The following ROBO2 variants were observed in gnomAD, a reference collection of about 807,000 sequenced individuals.
ROBO2 encodes roundabout homolog 2.
In ROBO2, 53 loss-of-function variants were observed where a neutral mutation model predicts 160.8. The ratio of observed to expected loss-of-function variants is 0.33; its 90% confidence interval spans 0.26 to 0.41. The LOEUF (loss-of-function observed/expected upper bound fraction) is 0.41, where lower values mean the gene tolerates loss of function less well. Among genes scored for constraint, ROBO2 ranks in the 10% least tolerant of loss-of-function variants. ROBO2 has a pLI of 1.00. For synonymous variants in ROBO2, 664 were observed against 611.7 expected, an observed-to-expected ratio of 1.09 and a Z score of -1.26; for missense variants, 1,577 against 1,722.4, an observed-to-expected ratio of 0.92 and a Z score of 1.49.
At chr3:76,821,377 A>G (rs1313130499) in intron 2 of ROBO2, among the ~76,000 whole-genome samples, 2 of 152,022 alleles carry the variant, frequency 1.3e-5, no homozygotes, top group Non-Finnish European at 2.9e-5. Flanking sequence ...TAGCATTTCA[A>G]AGAGGTCAAA....
chr3:76,700,067 G>A lies in ROBO2; in HGVS notation c.110-397947G>A, dbSNP rs191894654. Among the ~76,000 whole-genome samples the A allele has an allele frequency of 3.9e-5, 6 of 152,172 alleles. No homozygotes were observed. In the East Asian group the frequency reaches 7.7e-4, roughly 20 times the overall value. On this transcript the variant is annotated intron_variant, in intron 2 of 26. Coordinates refer to the ROBO2 transcript ENST00000487694. ...CCCCCTAGTTCTCAGGGTGGGTGCT[G>A]TACCAAGGCTTTCAACAACAAAAAA...
intron 2 of ROBO2, among the ~76,000 whole-genome samples, chr3:76,698,216 G>A (rs1221644797): frequency 6.6e-6 from 1 of 152,198 alleles, no homozygotes; most frequent in African/African-American, 2.4e-5. Context: ...GAGAATGGAG[G>A]CAGGAAAGCC....
rs1222348507 is a variant in ROBO2, at chr3:75,911,746, C to G, written c.-14+4786C>G. Among the ~76,000 whole-genome samples the G allele has an allele frequency of 1.3e-5, 2 of 151,320 alleles. 1 individual carries two copies. Among genetic ancestry groups the G allele is most frequent in the Admixed American group, 1.3e-4 (2 of 15,188 alleles). ...CTAATTTTTGTATTTTTAGTAGAGACGGGGTTTCACCGTGTTAGCCAGGAT... is the reference window on the plus strand; with the variant it reads ...CTAATTTTTGTATTTTTAGTAGAGAGGGGGTTTCACCGTGTTAGCCAGGAT... On this transcript the variant is annotated intron_variant, in intron 1 of 26. Transcript: ENST00000487694.
chr3:76,104,547 C>G lies in ROBO2; in HGVS notation c.109+166945C>G, dbSNP rs568435034. On this transcript the variant is annotated intron_variant, in intron 2 of 26. Coordinates refer to the ROBO2 transcript ENST00000487694. ...TGGATTAATTGTCAATAATGTCATT[C>G]ATAGCCATAAAATGATGGAATTTCT... 5.3e-5 allele frequency among the ~76,000 whole-genome samples: 8 copies of G among 152,228 alleles called. No homozygotes were observed. In the East Asian group the frequency reaches 1.5e-3, roughly 29 times the overall value.
chr3:77,001,562 G>A (rs981596278), intron 2 of ROBO2, among the ~76,000 whole-genome samples: 2 of 152,042 alleles, frequency 1.3e-5, no homozygotes, highest in African/African-American at 4.8e-5. Context: ...GGATTTTGAA[G>A]GGGGATTTCT....
intron 2 of ROBO2, among the ~76,000 whole-genome samples, chr3:77,262,350 C>T (rs893656452): frequency 5.9e-5 from 9 of 152,042 alleles, no homozygotes; most frequent in African/African-American, 2.2e-4. Flanking sequence ...TTACTAGAGA[C>T]TTACAAGGAA....
At chr3:76,210,807 A>C (rs1321189298) in intron 2 of ROBO2, among the ~76,000 whole-genome samples, 2 of 152,132 alleles carry the variant, frequency 1.3e-5, no homozygotes, top group Non-Finnish European at 2.9e-5. Flanking sequence ...TCTAGGTAAG[A>C]TGCAGGATTC....
intron 2 of ROBO2, among the ~76,000 whole-genome samples, chr3:76,453,804 T>C (rs2077604135): frequency 6.6e-6 from 1 of 152,312 alleles, no homozygotes; most frequent in East Asian, 1.9e-4. Context: ...TTGTGATATA[T>C]GATTTAGTAG....
At chr3:77,424,851 C>A (rs905745872) in intron 2 of ROBO2, among the ~76,000 whole-genome samples, 4 of 152,076 alleles carry the variant, frequency 2.6e-5, no homozygotes, top group African/African-American at 9.7e-5. Flanking sequence ...GTTTTCAGCT[C>A]CTTCCATGAA....
intron 2 of ROBO2, among the ~76,000 whole-genome samples, chr3:76,942,526 T>G (rs930757508): frequency 6.6e-6 from 1 of 152,206 alleles, no homozygotes; most frequent in Non-Finnish European, 1.5e-5. Flanking sequence ...CTTATCAACA[T>G]GCTGATGACA....
intron 2 of ROBO2, among the ~76,000 whole-genome samples, chr3:77,367,494 A>G (rs1289079454): frequency 6.6e-6 from 1 of 151,878 alleles, no homozygotes; most frequent in African/African-American, 2.4e-5. Flanking sequence ...TCATAACCGG[A>G]CTCGCGATAG....
At chr3:76,930,466 A>AT (rs537216520) in intron 2 of ROBO2, among the ~76,000 whole-genome samples, 106 of 152,002 alleles carry the variant, frequency 7.0e-4, no homozygotes, top group African/African-American at 2.1e-3. Flanking sequence ...TTCCCTACTT[A>AT]TTTTTTTTAT....
intron 2 of ROBO2, among the ~76,000 whole-genome samples, chr3:76,265,619 T>G (rs1050167473): frequency 1.3e-5 from 2 of 152,104 alleles, no homozygotes; most frequent in African/African-American, 4.8e-5. Flanking sequence ...ACCTGCAAAG[T>G]GTTATATTAG....
At chr3:76,677,919 C>T (rs2092451837) in intron 2 of ROBO2, among the ~76,000 whole-genome samples, 2 of 136,250 alleles carry the variant, frequency 1.5e-5, no homozygotes, top group Non-Finnish European at 3.1e-5. Flanking sequence ...TATGACTAAC[C>T]TATAGGATCT....
At chr3:76,535,113 T>A (rs143553211) in intron 2 of ROBO2, among the ~76,000 whole-genome samples, 3 of 151,872 alleles carry the variant, frequency 2.0e-5, no homozygotes, top group Non-Finnish European at 4.4e-5. Flanking sequence ...ATGCAAGGGG[T>A]TGGTAAAGAA....
intron 2 of ROBO2, among the ~76,000 whole-genome samples, chr3:76,793,417 G>A (rs1475384680): frequency 6.6e-6 from 1 of 151,782 alleles, no homozygotes. Flanking sequence ...TAGGTACGAG[G>A]TTTGGTGAAC....
chr3:77,213,294 G>T (rs993886990), intron 2 of ROBO2, among the ~76,000 whole-genome samples: 9 of 151,906 alleles, frequency 5.9e-5, no homozygotes, highest in African/African-American at 1.9e-4. Context: ...ACTTCTTCCT[G>T]GTTTAGTCTT....
At chr3:77,174,624 T>C (rs1024857789) in intron 2 of ROBO2, among the ~76,000 whole-genome samples, 2 of 152,080 alleles carry the variant, frequency 1.3e-5, no homozygotes, top group Non-Finnish European at 2.9e-5. Flanking sequence ...CTCCAAATCT[T>C]CATTTATCAT....
At chr3:76,587,345 C>A (rs148494737) in intron 2 of ROBO2, among the ~76,000 whole-genome samples, 2 of 152,028 alleles carry the variant, frequency 1.3e-5, no homozygotes, top group Admixed American at 1.3e-4. Flanking sequence ...TCCATTCTCA[C>A]GCTCCTATAA....
Sources: gnomAD v4.1 joint callset for allele counts (sites outside exome capture counted in the v4.1 genomes callset) on GRCh38, gnomAD v4.1.1 for gene constraint, MANE v1.5 for transcripts, NCBI Gene and HGNC (gene_info 2026-07-23, HGNC 2026-07-21) for gene names.